The following UGGT2 variants were observed in gnomAD, a reference collection of about 807,000 sequenced individuals.
The protein encoded by UGGT2 is UDP-glucose:glycoprotein glucosyltransferase 2.
In UGGT2, 180 loss-of-function variants were observed where a neutral mutation model predicts 192.1. The observed-to-expected ratio is 0.94, with a 90% CI of 0.83 to 1.06. UGGT2 has a LOEUF of 1.06. Among genes scored for constraint, UGGT2 ranks in the 50% least tolerant of loss-of-function variants. The pLI, the probability that UGGT2 is intolerant of heterozygous loss-of-function variation, is 0.00. For synonymous variants in UGGT2, 580 were observed against 591.0 expected, an observed-to-expected ratio of 0.98 and a Z score of 0.27; for missense variants, 1,849 against 1,795.7, an observed-to-expected ratio of 1.03 and a Z score of -0.54.
chr13:95,860,657 A>G, intron 32 of UGGT2, 131 bp downstream of exon 32: 1 of 464,626 alleles, frequency 2.2e-6, no homozygotes. Context: ...CCTGTGAGAA[A>G]AGGAACTGAG....
At chr13:95,907,149 C>T (rs911002112) in intron 20 of UGGT2, among the ~76,000 whole-genome samples, 2 of 152,246 alleles carry the variant, frequency 1.3e-5, no homozygotes, top group South Asian at 2.1e-4. Context: ...CGGAGCCTTG[C>T]TCACTGCTAG....
At chr13:95,880,524 G>T (rs551990159) in intron 27 of UGGT2, among the ~76,000 whole-genome samples, 5 of 152,314 alleles carry the variant, frequency 3.3e-5, no homozygotes, top group Admixed American at 2.0e-4. Flanking sequence ...ATTAGTTTTA[G>T]ATAATTTGGT....
intron 26 of UGGT2, among the ~76,000 whole-genome samples, chr13:95,885,318 T>G (rs993598628): frequency 2.6e-5 from 4 of 152,174 alleles, no homozygotes; most frequent in African/African-American, 7.2e-5. Flanking sequence ...GTGCTGTAGT[T>G]CTCTCAAGGC....
chr13:95,910,893 A>G (rs752630497), intron 20 of UGGT2, among the ~76,000 whole-genome samples: 1 of 152,226 alleles, frequency 6.6e-6, no homozygotes, highest in Non-Finnish European at 1.5e-5. Context: ...ACTGTCTCTC[A>G]GATCACAGTG....
At chr13:96,008,861 C>T (rs979967357) in intron 5 of UGGT2, among the ~76,000 whole-genome samples, 6 of 152,144 alleles carry the variant, frequency 3.9e-5, no homozygotes, top group African/African-American at 1.4e-4. Flanking sequence ...ACATTCTTCA[C>T]AGAATTAGAG....
chr13:95,813,644 T>A (rs1406566111), intron 38 of UGGT2, among the ~76,000 whole-genome samples: 1 of 152,212 alleles, frequency 6.6e-6, no homozygotes, highest in Non-Finnish European at 1.5e-5. Flanking sequence ...CCAAGCAAGC[T>A]GTGGAGCAAC....
In UGGT2 at chr13:95,877,811, G is replaced by A; in HGVS notation, c.3274C>T (p.Leu1092=). 6.2e-7 allele frequency: 1 copy of A among 1,613,962 alleles called. No individual in the cohort carries two copies. The highest frequency in any genetic ancestry group is 8.5e-7 in the Non-Finnish European group (1 of 1,179,948). ...TAEYELEYLL[L]EGQCFDKVTE... is the part of the protein sequence containing the mutation. ...ACTTTATCAAAGCATTGTCCTTCCA[G>A]TAGTAAGTATTCTAGTTCATATTCT... is the stretch of plus-strand genomic sequence containing the variant. Residue 1092 remains leucine, a synonymous_variant, in exon 28 of 39, where the codon CTG becomes TTG. Transcript: ENST00000376747.
intron 11 of UGGT2, 24 bp downstream of exon 11, chr13:95,972,556 T>G (rs61972947): frequency 0.028 from 43,736 of 1,538,200 alleles, 730 homozygotes; most frequent in Non-Finnish European, 0.032. Context: ...CATAGTTCAT[T>G]TACAGCAATA....
intron 36 of UGGT2, among the ~76,000 whole-genome samples, chr13:95,840,654 G>A (rs549954148): frequency 4.6e-5 from 7 of 152,216 alleles, no homozygotes; most frequent in African/African-American, 1.4e-4. Flanking sequence ...AATTCCTCAA[G>A]GATCTACGAC....
Position 95,924,393 on chromosome 13 carries a change from CTTTTTTTTTTTTTT to C in UGGT2, c.2295+1273_2295+1286del, listed in dbSNP as rs59757283. On this transcript the variant is annotated intron_variant, in intron 20 of 38. Transcript: ENST00000376747. Reference sequence around the variant, plus strand: ...AATAGATGTAATAGATCCCAAACAGCTTTTTTTTTTTTTTTTTTTTTTTTTTTTTTTGAAATTTT... The same window carrying C: ...AATAGATGTAATAGATCCCAAACAGCTTTTTTTTTTTTTTTTTGAAATTTT... Among the ~76,000 whole-genome samples, 52 of 63,356 alleles carry C rather than the reference CTTTTTTTTTTTTTT, an allele frequency of 8.2e-4. No individual in the cohort carries two copies. In the South Asian group the frequency reaches 0.011, roughly 13 times the overall value. 41.6% of individuals were successfully genotyped at this position (63,356 alleles called of 152,430 possible). A position where few individuals can be genotyped will look rare whatever the true frequency, so the allele number is the denominator to read the frequency against.
At chr13:95,868,727 C>T (rs1205589961) in intron 29 of UGGT2, among the ~76,000 whole-genome samples, 2 of 152,148 alleles carry the variant, frequency 1.3e-5, no homozygotes, top group African/African-American at 2.4e-5. Flanking sequence ...ACAACTTTAG[C>T]CATTTAATTC....
At chr13:95,820,003 C>T (rs879830047) in intron 38 of UGGT2, among the ~76,000 whole-genome samples, 1 of 152,026 alleles carries the variant, frequency 6.6e-6, no homozygotes, top group African/African-American at 2.4e-5. Flanking sequence ...ACTAAAAATA[C>T]AAAAATTAGC....
intron 5 of UGGT2, among the ~76,000 whole-genome samples, chr13:96,005,133 A>G (rs2051933151): frequency 6.6e-6 from 1 of 152,188 alleles, no homozygotes; most frequent in South Asian, 2.1e-4. Flanking sequence ...CATATACAAA[A>G]AGTTTATTAT....
At chr13:95,826,181 T>A (rs1377825029) in intron 38 of UGGT2, among the ~76,000 whole-genome samples, 1 of 152,120 alleles carries the variant, frequency 6.6e-6, no homozygotes, top group Non-Finnish European at 1.5e-5. Flanking sequence ...CCATCTTTGA[T>A]AAAAATATTA....
chr13:95,871,748 G>A (rs972309094), intron 29 of UGGT2, among the ~76,000 whole-genome samples: 6 of 152,190 alleles, frequency 3.9e-5, no homozygotes, highest in African/African-American at 1.4e-4. Context: ...TGTTACCACT[G>A]GGTAGTCATG....
At chr13:95,886,129 T>A (rs1464524328) in intron 26 of UGGT2, among the ~76,000 whole-genome samples, 1 of 152,100 alleles carries the variant, frequency 6.6e-6, no homozygotes, top group East Asian at 1.9e-4. Flanking sequence ...TGGGAATGTT[T>A]AACTAAAAAA....
chr13:95,933,113 T>C (rs1242525232), intron 17 of UGGT2, among the ~76,000 whole-genome samples: 6 of 152,186 alleles, frequency 3.9e-5, no homozygotes, highest in African/African-American at 1.2e-4. Context: ...AGGGAGGCAT[T>C]AATCACTCCT....
intron 13 of UGGT2, 79 bp downstream of exon 13, chr13:95,949,256 T>A: frequency 7.8e-7 from 1 of 1,275,104 alleles, no homozygotes; most frequent in Non-Finnish European, 1.0e-6. Context: ...AGATGCCTAT[T>A]CATTGACAGA....
In UGGT2 at chr13:96,045,376, A is replaced by T. The variant is rs184937842; in HGVS notation, c.158+7779T>A. Among the ~76,000 whole-genome samples, 62 of 152,354 alleles carry T rather than the reference A, an allele frequency of 4.1e-4. 1 individual carries two copies. Among genetic ancestry groups the T allele is most frequent in the African/African-American group, 1.4e-3 (60 of 41,580 alleles). On this transcript the variant is annotated intron_variant, in intron 1 of 38. Coordinates refer to ENST00000376747, the MANE Select transcript of UGGT2 (RefSeq NM_020121.4). Reference sequence around the variant, plus strand: ...CATCTATGACAAACCCACAGCCAACATAATACTGAATGGGGAAAAGTTTAA... The same window carrying T: ...CATCTATGACAAACCCACAGCCAACTTAATACTGAATGGGGAAAAGTTTAA...
Sources: allele counts gnomAD v4.1 joint callset (sites outside exome capture counted in the v4.1 genomes callset), GRCh38; gene constraint gnomAD v4.1.1; transcripts MANE v1.5; gene names NCBI Gene and HGNC (gene_info 2026-07-23, HGNC 2026-07-21).